The following SCN3A variants were observed in gnomAD, a reference collection of about 807,000 sequenced individuals.
The protein encoded by SCN3A is sodium voltage-gated channel alpha subunit 3, also known as sodium channel protein type 3 subunit alpha.
In SCN3A, 60 loss-of-function variants were observed where a neutral mutation model predicts 187.6. The observed-to-expected ratio is 0.32, with a 90% CI of 0.26 to 0.40. The LOEUF (loss-of-function observed/expected upper bound fraction) is 0.40, where lower values mean the gene tolerates loss of function less well. Among genes scored for constraint, SCN3A ranks in the 10% least tolerant of loss-of-function variants. SCN3A has a pLI of 1.00. For missense variants in SCN3A, 1,601 were observed against 2,428.2 expected (o/e 0.66, Z 7.16); for synonymous variants, 788 against 829.2 (o/e 0.95, Z 0.85).
chr2:165,091,307 A>T lies in SCN3A; in HGVS notation c.4846T>A (p.Ser1616Thr). The change falls in exon 28 of 28, where the codon TCC becomes ACC. Residue 1616 changes from serine (S) to threonine (T), a missense_variant. Coordinates refer to ENST00000283254, the MANE Select transcript of SCN3A (RefSeq NM_006922.4). ...CGGATCACTCGGAACAAGGTAGGGG[A>T]CACAAAATACTTTTCTATCATCTCA... The part of the protein sequence containing the change: ...LAEMIEKYFV[S>T]PTLFRVIRLA... 1.9e-6 allele frequency: 3 copies of T among 1,614,098 alleles called. No individual in the cohort carries two copies. The highest frequency in any genetic ancestry group is 2.5e-6 in the Non-Finnish European group (3 of 1,179,966).
Position 165,130,081 on chromosome 2 carries a change from G to A in SCN3A, c.2781C>T (p.Asn927=), listed in dbSNP as rs776326973. ...CAATCAGGAAGGAGTGGAAGAAGTC[G>A]TTCATGTGCCACCGTGGGAGCGTAC... is the stretch of plus-strand genomic sequence containing the variant. ...DDCTLPRWHM[N]DFFHSFLIVF... is the part of the protein sequence containing the mutation. Residue 927 remains asparagine (N), a synonymous_variant, in exon 17 of 28, where the codon AAC becomes AAT. Coordinates refer to ENST00000283254, the MANE Select transcript of SCN3A (RefSeq NM_006922.4). 2.4e-5 allele frequency: 39 copies of A among 1,614,002 alleles called. No individual in the cohort carries two copies. In the East Asian group the frequency reaches 6.5e-4, roughly 27 times the overall value.
chr2:165,159,360 G>GTTTTC lies in SCN3A; in HGVS notation c.1031+2947_1031+2948insGAAAA. 1.5e-5 allele frequency among the ~76,000 whole-genome samples: 2 copies of GTTTTC among 136,458 alleles called. 1 individual carries two copies. The highest frequency in any genetic ancestry group is 1.5e-4 in the Admixed American group (2 of 12,966). 89.5% of individuals were successfully genotyped at this position (136,458 alleles called of 152,430 possible). On this transcript the variant is annotated intron_variant, in intron 9 of 27. Coordinates refer to ENST00000283254, the MANE Select transcript of SCN3A (RefSeq NM_006922.4). ...GGACACTGGTTTGTTGTTTTGTTTT[G>GTTTTC]TTTTGTTTTCTTTTGAGACAGGGTA...
At chr2:165,193,560 C>T (rs1486270901) in intron 1 of SCN3A, among the ~76,000 whole-genome samples, 1 of 152,118 alleles carries the variant, frequency 6.6e-6, no homozygotes, top group Non-Finnish European at 1.5e-5. Context: ...CCACATGTCT[C>T]CTACTGCTTG....
At position 165,138,104 on chromosome 2, in the gene SCN3A, A is replaced by G; in HGVS notation, c.2166T>C (p.Ser722=). 1 of 1,612,532 alleles carries G rather than the reference A, an allele frequency of 6.2e-7. No individual in the cohort carries two copies. ...ACCAGCATGGCGGACATTTCTGTCT[A>G]GATTCTTCAAGTTCTGGAGGGACAA... ...LTNTMEELEE[S]RQKCPPCWYR... Residue 722 remains serine (S), a synonymous_variant, in exon 15 of 28, where the codon TCT becomes TCC. Transcript: ENST00000283254.
chr2:165,186,010 A>AG (rs1446018097), intron 2 of SCN3A, among the ~76,000 whole-genome samples: 1 of 152,092 alleles, frequency 6.6e-6, no homozygotes, highest in East Asian at 1.9e-4. Context: ...GATGGCTCAC[A>AG]CCTGTAATCC....
At chr2:165,176,767 T>TA (rs1178118618) in intron 2 of SCN3A, among the ~76,000 whole-genome samples, 3 of 152,154 alleles carry the variant, frequency 2.0e-5, no homozygotes, top group Non-Finnish European at 2.9e-5. Flanking sequence ...TAAAAGCATT[T>TA]AAAAAAATTC....
intron 5 of SCN3A, among the ~76,000 whole-genome samples, chr2:165,166,956 G>C (rs1190297345): frequency 6.6e-6 from 1 of 151,222 alleles, no homozygotes; most frequent in Non-Finnish European, 1.5e-5. Context: ...CTGGAATGCA[G>C]TGGTGGGATC....
At chr2:165,119,116 G>A (rs1222137515) in intron 18 of SCN3A, among the ~76,000 whole-genome samples, 1 of 152,018 alleles carries the variant, frequency 6.6e-6, no homozygotes, top group African/African-American at 2.4e-5. Flanking sequence ...ATATTGCCCA[G>A]GCTGGTCTCA....
chr2:165,157,054 G>A (rs947140282), intron 9 of SCN3A, among the ~76,000 whole-genome samples: 1 of 152,024 alleles, frequency 6.6e-6, no homozygotes, highest in Admixed American at 6.5e-5. Context: ...GGGACTACAG[G>A]TGCCTGCCAT....
rs1685394339 is a variant in SCN3A at position 165,097,097 on chromosome 2, T to C, written c.4239+155A>G. On this transcript the variant is annotated intron_variant, in intron 23 of 27. Transcript: ENST00000283254. The stretch of plus-strand genomic sequence containing the variant: ...TACATTATAAAATAATTGTAACATC[T>C]TTTTTATGATCAATTCAAGCTGATA... 8.3e-6 allele frequency: 6 copies of C among 718,642 alleles called. No individual in the cohort carries two copies. In the Admixed American group the frequency reaches 1.5e-4, roughly 18 times the overall value. 44.5% of individuals were successfully genotyped at this position (718,642 alleles called of 1,614,324 possible).
At position 165,155,857 on chromosome 2, in the gene SCN3A, T is replaced by G. The variant is rs1236955203; in HGVS notation, c.1078A>C (p.Asn360His). The G allele has an allele frequency of 6.2e-7, 1 of 1,614,050 alleles. No individual in the cohort carries two copies. The highest frequency in any genetic ancestry group is 8.5e-7 in the Non-Finnish European group (1 of 1,180,030). ...GTGTCAAAGCTTGTGTAGCCATAGTTGGGGTTTCGACCAGCCTTCACACAG... is the reference window on the plus strand; with the variant it reads ...GTGTCAAAGCTTGTGTAGCCATAGTGGGGGTTTCGACCAGCCTTCACACAG... ...YICVKAGRNP[N>H]YGYTSFDTFS... Residue 360 changes from asparagine (N) to histidine (H), a missense_variant, in exon 10 of 28, where the codon AAC becomes CAC. By Grantham distance (68) the Asn-to-His change is moderately conservative. Coordinates refer to ENST00000283254, the MANE Select transcript of SCN3A (RefSeq NM_006922.4).
At chr2:165,112,842 C>G in intron 21 of SCN3A, 43 bp downstream of exon 21, 2 of 1,556,340 alleles carry the variant, frequency 1.3e-6, no homozygotes, top group Non-Finnish European at 8.8e-7. Flanking sequence ...TCAAACTTGC[C>G]TCTTTTAAAA....
rs1684935725 is a variant in SCN3A, at chr2:165,088,472, A to G, written c.*1678T>C. ...GAATAAAAAAAAACATCTATGAATA[A>G]AAGGTTATATTGAGGCAACCATAGT... On this transcript the variant is annotated 3_prime_UTR_variant, in exon 28 of 28. Transcript: ENST00000283254. 6.6e-6 allele frequency: 1 copy of G among 152,510 alleles called. No individual in the cohort carries two copies. Among genetic ancestry groups the G allele is most frequent in the African/African-American group, 2.4e-5 (1 of 41,450 alleles). The allele number at this position is 152,510 out of a possible 1,614,324, so 9.4% of individuals were successfully genotyped here. A position where few individuals can be genotyped will look rare whatever the true frequency, so the allele number is the denominator to read the frequency against.
chr2:165,191,982 A>G (rs980181096), intron 1 of SCN3A, among the ~76,000 whole-genome samples: 2 of 151,938 alleles, frequency 1.3e-5, no homozygotes, highest in Non-Finnish European at 2.9e-5. Flanking sequence ...AGAAACTCAC[A>G]TATTCTATTT....
At position 165,131,512 on chromosome 2, in the gene SCN3A, C is replaced by A. The variant is rs78280506; in HGVS notation, c.2392-95G>T. The A allele has an allele frequency of 0.18, 139,146 of 761,472 alleles. 13,991 individuals are homozygous for A. Among genetic ancestry groups the A allele is most frequent in the East Asian group, 0.24 (7,670 of 32,018 alleles). The allele number at this position is 761,472 out of a possible 1,614,324, so 47.2% of individuals were successfully genotyped here. On this transcript the variant is annotated intron_variant, in intron 15 of 27. Coordinates refer to ENST00000283254, the MANE Select transcript of SCN3A (RefSeq NM_006922.4). Reference sequence around the variant, plus strand: ...AGAACATTAACAGGAATAAAAATATCTAAAATTTAAAGTGAGAGAATGTGA... The same window carrying A: ...AGAACATTAACAGGAATAAAAATATATAAAATTTAAAGTGAGAGAATGTGA...
Position 165,154,667 on chromosome 2 carries a change from A to C in SCN3A, c.1174-9T>G, listed in dbSNP as rs749354400. On this transcript the variant is annotated splice_polypyrimidine_tract_variant and intron_variant, in intron 10 of 27. Coordinates refer to ENST00000283254, the MANE Select transcript of SCN3A (RefSeq NM_006922.4). Reference sequence around the variant, plus strand: ...CCAGCAGCACGTAATGTCTAGGGGAAATGGGGGATAATTCCATCAGTATTT... The same window carrying C: ...CCAGCAGCACGTAATGTCTAGGGGACATGGGGGATAATTCCATCAGTATTT... 1.9e-6 allele frequency: 3 copies of C among 1,605,504 alleles called. No individual in the cohort carries two copies. The highest frequency in any genetic ancestry group is 2.2e-5 in the East Asian group (1 of 44,814).
chr2:165,151,614 C>G (rs530578932), intron 11 of SCN3A, among the ~76,000 whole-genome samples: 2 of 152,244 alleles, frequency 1.3e-5, no homozygotes, highest in South Asian at 4.1e-4. Context: ...AACTTCCAGA[C>G]TATGATGTAG....
Position 165,088,500 on chromosome 2 carries a change from G to A in SCN3A, c.*1650C>T, listed in dbSNP as rs1684937733. On this transcript the variant is annotated 3_prime_UTR_variant, in exon 28 of 28. Transcript: ENST00000283254. ...GGTTATATTGAGGCAACCATAGTTG[G>A]TAGAAAATGATCTAGGTTTGAGTGT... 1 of 152,398 alleles carries A rather than the reference G, an allele frequency of 6.6e-6. No homozygotes were observed. Among genetic ancestry groups the A allele is most frequent in the South Asian group, 2.1e-4 (1 of 4,824 alleles). 9.4% of individuals were successfully genotyped at this position (152,398 alleles called of 1,614,324 possible).
Position 165,154,459 on chromosome 2 carries a change from T to C in SCN3A, c.1373A>G (p.Glu458Gly), listed in dbSNP as rs1432178925. 6.2e-7 allele frequency: 1 copy of C among 1,614,168 alleles called. No individual in the cohort carries two copies. The highest frequency in any genetic ancestry group is 1.6e-4 in the Middle Eastern group (1 of 6,062). Reference sequence around the variant, plus strand: ...GCTTTTATCACTCAGTACCTGAGCTTCTTCCTGTTGCTTTTTAAGCTGTTC... The same window carrying C: ...GCTTTTATCACTCAGTACCTGAGCTCCTTCCTGTTGCTTTTTAAGCTGTTC... The part of the protein sequence containing the change: ...MLEQLKKQQE[E>G]AQAVAAASAA... Residue 458 changes from glutamate to glycine, a missense_variant, in exon 11 of 28, where the codon GAA (glutamate) becomes GGA (glycine). Transcript: ENST00000283254.
Sources: allele counts gnomAD v4.1 joint callset (sites outside exome capture counted in the v4.1 genomes callset), GRCh38; gene constraint gnomAD v4.1.1; transcripts MANE v1.5; gene names NCBI Gene and HGNC (gene_info 2026-07-23, HGNC 2026-07-21).